EDNRB: variants seen among roughly 807,000 people sequenced by gnomAD.
The protein encoded by EDNRB is endothelin receptor type B.
Under a neutral mutation model 46.4 loss-of-function variants are expected in EDNRB, and 18 were observed. The observed-to-expected ratio is 0.39, with a 90% confidence interval of 0.27 to 0.57. The LOEUF (loss-of-function observed/expected upper bound fraction) is 0.57, where lower values mean the gene tolerates loss of function less well. Among genes scored for constraint, EDNRB ranks in the 20% least tolerant of loss-of-function variants. The probability of loss-of-function intolerance (pLI) is 0.61; values close to 1 mark genes in which losing one functional copy is unlikely to be tolerated. For missense variants in EDNRB, 434 were observed against 537.5 expected, an observed-to-expected ratio of 0.81 and a Z score of 1.90; for synonymous variants, 213 against 204.9, an observed-to-expected ratio of 1.04 and a Z score of -0.34.
At chr13:77,920,316 G>A (rs901433850), upstream of EDNRB, among the ~76,000 whole-genome samples, 3 of 151,950 alleles carry the variant, frequency 2.0e-5, no homozygotes, top group African/African-American at 7.2e-5. Flanking sequence ...CCGCAGAGAG[G>A]AAAATAACAG....
intron 1 of EDNRB, chr13:77,940,020 A>AAATAAATC: frequency 1.3e-5 from 2 of 151,298 alleles, no homozygotes; most frequent in Non-Finnish European, 1.5e-5. Context: ...ATAAATAAAT[A>AAATAAATC]AATAAAATAA....
intron 1 of EDNRB, among the ~76,000 whole-genome samples, chr13:77,945,876 CAA>C (rs67463440): frequency 0.017 from 1,968 of 115,612 alleles, 6 homozygotes; most frequent in Non-Finnish European, 0.026. Context: ...TGCAAAAAAC[CAA>C]AAAAAAAAAA....
chr13:77,925,413 A>G (rs541480135), intron 1 of EDNRB, among the ~76,000 whole-genome samples: 1 of 152,352 alleles, frequency 6.6e-6, no homozygotes, highest in African/African-American at 2.4e-5. Context: ...AGCACCATTC[A>G]CAACAACCAA....
At position 77,897,247 on chromosome 13, in the gene EDNRB, G is replaced by A; in HGVS notation, c.*953C>T. The A allele has an allele frequency of 1.0e-6, 1 of 985,170 alleles. No homozygotes were observed. Among genetic ancestry groups the A allele is most frequent in the Non-Finnish European group, 1.2e-6 (1 of 829,868 alleles). 61.0% of individuals were successfully genotyped at this position (985,170 alleles called of 1,614,324 possible). A position where few individuals can be genotyped will look rare whatever the true frequency, so the allele number is the denominator to read the frequency against. On this transcript the variant is annotated 3_prime_UTR_variant, in exon 7 of 7. Transcript: ENST00000646607. ...CCTCATTTAATCATCTACATGCAGT[G>A]TATGTAGGTAAGTATTTACAGATGA...
intron 1 of EDNRB, among the ~76,000 whole-genome samples, chr13:77,938,373 G>C (rs1199361784): frequency 6.6e-6 from 1 of 151,930 alleles, no homozygotes; most frequent in Non-Finnish European, 1.5e-5. Context: ...TTAGGGATTG[G>C]GGGGTTCTTG....
chr13:77,960,129 G>T (rs910205336), intron 1 of EDNRB, among the ~76,000 whole-genome samples: 1 of 152,182 alleles, frequency 6.6e-6, no homozygotes, highest in Non-Finnish European at 1.5e-5. Flanking sequence ...ATATTATCCA[G>T]GAGAACTTCC....
In EDNRB at chr13:77,938,870, T is replaced by C. The variant is rs1442046789; in HGVS notation, c.-51-20246A>G. 1.3e-5 allele frequency among the ~76,000 whole-genome samples: 2 copies of C among 152,146 alleles called. 1 individual carries two copies. Among genetic ancestry groups the C allele is most frequent in the East Asian group, 3.9e-4 (2 of 5,188 alleles). ...GGTGAGATGTTCCTTGGGCTGGTGG[T>C]TCTGAGGACCCGAGGTCATAGGTGG... On this transcript the variant is annotated intron_variant, in intron 1 of 7. Coordinates refer to the EDNRB transcript ENST00000646948.
chr13:77,952,524 G>A (rs1384489406), intron 1 of EDNRB, among the ~76,000 whole-genome samples: 3 of 152,040 alleles, frequency 2.0e-5, no homozygotes, highest in African/African-American at 7.2e-5. Context: ...CATTTTCCTA[G>A]CCCTCATTCA....
At chr13:77,901,232 G>C in intron 3 of EDNRB, 25 bp from the exon 4 acceptor site, 2 of 1,606,396 alleles carry the variant, frequency 1.2e-6, no homozygotes, top group South Asian at 2.2e-5. Context: ...GAATTTTTAC[G>C]ATTAATACTC....
At chr13:77,932,701 A>G (rs1057349718) in intron 1 of EDNRB, among the ~76,000 whole-genome samples, 1 of 152,232 alleles carries the variant, frequency 6.6e-6, no homozygotes, top group Non-Finnish European at 1.5e-5. Context: ...TTTCCTTGAC[A>G]TACTTTTTGA....
chr13:77,962,398 G>C (rs1481404263), intron 1 of EDNRB, among the ~76,000 whole-genome samples: 2 of 152,094 alleles, frequency 1.3e-5, no homozygotes, highest in African/African-American at 2.4e-5. Flanking sequence ...TACTGGCAAA[G>C]CGAATCCAGC....
chr13:77,933,590 C>T, intron 1 of EDNRB, among the ~76,000 whole-genome samples: 1 of 152,078 alleles, frequency 6.6e-6, no homozygotes, highest in East Asian at 1.9e-4. Flanking sequence ...ACGTGCAGGT[C>T]ACAGGGGATA....
chr13:77,971,820 AT>A (rs1167060739), intron 1 of EDNRB, among the ~76,000 whole-genome samples: 7 of 152,038 alleles, frequency 4.6e-5, no homozygotes, highest in African/African-American at 1.7e-4. Flanking sequence ...ACGATGTCTT[AT>A]TTTTTCTCCT....
intron 1 of EDNRB, among the ~76,000 whole-genome samples, chr13:77,960,139 C>T (rs1402873726): frequency 1.3e-5 from 2 of 152,220 alleles, no homozygotes; most frequent in Non-Finnish European, 2.9e-5. Flanking sequence ...GGAGAACTTC[C>T]CCAACCTAGC....
chr13:77,944,163 A>T (rs1880834563), intron 1 of EDNRB, among the ~76,000 whole-genome samples: 1 of 152,116 alleles, frequency 6.6e-6, no homozygotes, highest in Admixed American at 6.6e-5. Context: ...GATTTCATGG[A>T]AGCTTTACCA....
At chr13:77,924,184 C>A (rs1159063848), upstream of EDNRB, among the ~76,000 whole-genome samples, 1 of 152,198 alleles carries the variant, frequency 6.6e-6, no homozygotes, top group Non-Finnish European at 1.5e-5. Flanking sequence ...GCTTGCAAAG[C>A]CATGCCAATT....
intron 1 of EDNRB, among the ~76,000 whole-genome samples, chr13:77,974,883 C>A (rs1188712394): frequency 1.3e-5 from 2 of 152,036 alleles, no homozygotes; most frequent in African/African-American, 4.8e-5. Context: ...CCCTTAAATC[C>A]CTTTTTGAAA....
At chr13:77,957,299 G>A (rs1003843737) in intron 1 of EDNRB, among the ~76,000 whole-genome samples, 1 of 152,114 alleles carries the variant, frequency 6.6e-6, no homozygotes, top group East Asian at 1.9e-4. Flanking sequence ...TCACACCATG[G>A]GGTTTTAGGC....
chr13:77,964,235 T>C (rs1386047196), intron 1 of EDNRB, among the ~76,000 whole-genome samples: 1 of 152,174 alleles, frequency 6.6e-6, no homozygotes, highest in East Asian at 1.9e-4. Context: ...GATCTAGAAC[T>C]AGAAATACCA....
Sources: allele counts gnomAD v4.1 joint callset (sites outside exome capture counted in the v4.1 genomes callset), GRCh38; gene constraint gnomAD v4.1.1; transcripts MANE v1.5; gene names NCBI Gene and HGNC (gene_info 2026-07-23, HGNC 2026-07-21).